PHKB: variants seen among roughly 807,000 people sequenced by gnomAD.
PHKB encodes phosphorylase b kinase regulatory subunit beta.
Under a neutral mutation model 152.1 loss-of-function variants are expected in PHKB, and 122 were observed. The ratio of observed to expected loss-of-function variants is 0.80; its 90% CI spans 0.69 to 0.93. The LOEUF is 0.93. Ranked by LOEUF, PHKB falls within the 40% of genes least tolerant of loss-of-function variation. PHKB has a pLI of 0.00. For synonymous variants in PHKB, 436 were observed against 464.9 expected (o/e 0.94, Z 0.80); for missense variants, 1,304 against 1,328.4 (o/e 0.98, Z 0.29).
At chr16:47,600,355 T>C (rs927152071) in intron 13 of PHKB, among the ~76,000 whole-genome samples, 1 of 152,178 alleles carries the variant, frequency 6.6e-6, no homozygotes, top group Non-Finnish European at 1.5e-5. Flanking sequence ...GTAAATATAT[T>C]ATAAACATGT....
intron 7 of PHKB, among the ~76,000 whole-genome samples, chr16:47,552,983 A>C (rs1971300901): frequency 6.6e-6 from 1 of 152,132 alleles, no homozygotes; most frequent in Admixed American, 6.5e-5. Flanking sequence ...CCTTCATTTC[A>C]ACCTTGGTGA....
chr16:47,606,043 TAAAAC>T (rs1972317610), intron 13 of PHKB, among the ~76,000 whole-genome samples: 1 of 152,196 alleles, frequency 6.6e-6, no homozygotes, highest in Non-Finnish European at 1.5e-5. Flanking sequence ...GTGAAATACT[TAAAAC>T]AATGCCTGGA....
chr16:47,565,144 G>T, intron 7 of PHKB: 1 of 541,316 alleles, frequency 1.8e-6, no homozygotes. Flanking sequence ...CAGCATACTT[G>T]CTTGCAGAAC....
intron 1 of PHKB, among the ~76,000 whole-genome samples, chr16:47,479,179 T>C (rs1969921643): frequency 6.6e-6 from 1 of 152,170 alleles, no homozygotes; most frequent in African/African-American, 2.4e-5. Flanking sequence ...GATTTCAAGG[T>C]AGATCTTACA....
chr16:47,516,360 A>T (rs190829306), intron 6 of PHKB, among the ~76,000 whole-genome samples: 1 of 152,220 alleles, frequency 6.6e-6, no homozygotes, highest in African/African-American at 2.4e-5. Flanking sequence ...GACAAATACC[A>T]TGTTCTTATT....
chr16:47,498,136 TCTCC>T (rs1279851182), intron 2 of PHKB, among the ~76,000 whole-genome samples: 1 of 152,216 alleles, frequency 6.6e-6, no homozygotes, highest in Admixed American at 6.5e-5. Flanking sequence ...ATTTGATTTC[TCTCC>T]CCCTAAGATG....
chr16:47,596,530 G>A lies in PHKB; in HGVS notation c.1362G>A (p.Leu454=). 5.6e-6 allele frequency: 9 copies of A among 1,613,288 alleles called. No individual in the cohort carries two copies. Among genetic ancestry groups the A allele is most frequent in the Non-Finnish European group, 7.6e-6 (9 of 1,179,386 alleles). The change falls in exon 13 of 31, where the codon CTG becomes CTA. Residue 454 remains leucine (L), a splice_region_variant and synonymous_variant. Coordinates refer to ENST00000323584, the MANE Select transcript of PHKB (RefSeq NM_000293.3). The part of the protein sequence containing the change: ...GQALYIIAKL[L]ADELISPKDI... ...CACTTTATATCATCGCAAAACTCCT[G>A]GGTAAGTGGAGAAGATTGGGAATGG...
At chr16:47,634,719 A>G (rs1045189844) in intron 14 of PHKB, among the ~76,000 whole-genome samples, 1 of 152,166 alleles carries the variant, frequency 6.6e-6, no homozygotes, top group Non-Finnish European at 1.5e-5. Context: ...TGATGGGAAT[A>G]TAGTTGGTAT....
intron 14 of PHKB, among the ~76,000 whole-genome samples, chr16:47,639,626 T>C (rs1374567276): frequency 1.3e-5 from 2 of 152,200 alleles, no homozygotes; most frequent in Non-Finnish European, 2.9e-5. Flanking sequence ...GTCATACAAG[T>C]GGAAACAATA....
chr16:47,688,465 C>A (rs1436118535), intron 26 of PHKB, among the ~76,000 whole-genome samples: 1 of 152,184 alleles, frequency 6.6e-6, no homozygotes, highest in African/African-American at 2.4e-5. Flanking sequence ...TAAAGTACAT[C>A]TTTAATGTAC....
chr16:47,606,581 A>T (rs909951053), intron 13 of PHKB, among the ~76,000 whole-genome samples: 1 of 152,228 alleles, frequency 6.6e-6, no homozygotes, highest in Non-Finnish European at 1.5e-5. Flanking sequence ...TAATTTGCAC[A>T]TGTGTGAGCA....
At chr16:47,673,325 G>A (rs113123610) in intron 26 of PHKB, among the ~76,000 whole-genome samples, 114 of 152,098 alleles carry the variant, frequency 7.5e-4, no homozygotes, top group Non-Finnish European at 1.5e-3. Context: ...GTGGAATTTA[G>A]GAAAAGCAAA....
Position 47,699,807 on chromosome 16 carries a change from G to A in PHKB, c.*441G>A. On this transcript the variant is annotated 3_prime_UTR_variant, in exon 31 of 31. Transcript: ENST00000323584. ...GAACTTCTCTTAGTGGTATTGTCATGCTAAAAGATGTTAATATACATCATA... is the reference window on the plus strand; with the variant it reads ...GAACTTCTCTTAGTGGTATTGTCATACTAAAAGATGTTAATATACATCATA... 1 of 219,978 alleles carries A rather than the reference G, an allele frequency of 4.5e-6. No homozygotes were observed. The highest frequency in any genetic ancestry group is 1.1e-4 in the East Asian group (1 of 9,310). The allele number at this position is 219,978 out of a possible 1,614,324, so 13.6% of individuals were successfully genotyped here.
At chr16:47,528,696 C>CTTTTTTTTT (rs11450311) in intron 6 of PHKB, among the ~76,000 whole-genome samples, 2 of 137,390 alleles carry the variant, frequency 1.5e-5, no homozygotes, top group Non-Finnish European at 1.5e-5. Flanking sequence ...AGGACTTTTT[C>CTTTTTTTTT]TTTTTTTTTT....
chr16:47,637,641 T>C (rs1485665705), intron 14 of PHKB, among the ~76,000 whole-genome samples: 1 of 152,140 alleles, frequency 6.6e-6, no homozygotes, highest in Non-Finnish European at 1.5e-5. Context: ...GTTAGGATTA[T>C]GTATCTCCAA....
chr16:47,550,947 G>A (rs1336534784), intron 7 of PHKB, among the ~76,000 whole-genome samples: 1 of 152,142 alleles, frequency 6.6e-6, no homozygotes, highest in Non-Finnish European at 1.5e-5. Flanking sequence ...AGTCTTGGGA[G>A]GGTGTATGTG....
intron 1 of PHKB, among the ~76,000 whole-genome samples, chr16:47,484,197 T>G (rs1970012615): frequency 6.6e-6 from 1 of 152,208 alleles, no homozygotes; most frequent in African/African-American, 2.4e-5. Flanking sequence ...GGCCATGTTC[T>G]TTCTCTAAAG....
intron 22 of PHKB, among the ~76,000 whole-genome samples, 185 bp downstream of exon 22, chr16:47,661,004 C>T (rs894464379): frequency 6.6e-6 from 1 of 152,180 alleles, no homozygotes; most frequent in African/African-American, 2.4e-5. Context: ...GCATGGATAT[C>T]TTTAAAAATG....
chr16:47,632,665 A>G (rs1972847263), intron 14 of PHKB, among the ~76,000 whole-genome samples: 1 of 152,210 alleles, frequency 6.6e-6, no homozygotes, highest in Admixed American at 6.5e-5. Flanking sequence ...TAATTGTTAA[A>G]TTTTTGAGCC....
Sources: gnomAD v4.1 joint callset for allele counts (sites outside exome capture counted in the v4.1 genomes callset) on GRCh38, gnomAD v4.1.1 for gene constraint, MANE v1.5 for transcripts, NCBI Gene and HGNC (gene_info 2026-07-23, HGNC 2026-07-21) for gene names.